FLACC1: variants seen among roughly 807,000 people sequenced by gnomAD.
FLACC1 encodes flagellum-associated coiled-coil domain-containing protein 1.
FLACC1 carries 66 observed loss-of-function variants against 62.8 expected under a neutral mutation model. The ratio of observed to expected loss-of-function variants is 1.05; its 90% CI spans 0.86 to 1.29. The LOEUF is 1.29. Ranked by LOEUF, FLACC1 falls within the 50% of genes most tolerant of loss-of-function variation. FLACC1 has a pLI of 0.00. For missense variants in FLACC1, 452 were observed against 489.1 expected (o/e 0.92, Z 0.71); for synonymous variants, 156 against 161.0 (o/e 0.97, Z 0.24).
chr2:201,324,771 A>C (rs540225869), intron 9 of FLACC1, among the ~76,000 whole-genome samples: 1 of 152,370 alleles, frequency 6.6e-6, no homozygotes, highest in African/African-American at 2.4e-5. Context: ...TGGGGTAAAC[A>C]GTGAAATCAA....
chr2:201,298,483 C>T (rs1949911376), intron 12 of FLACC1, among the ~76,000 whole-genome samples: 2 of 152,074 alleles, frequency 1.3e-5, no homozygotes, highest in African/African-American at 2.4e-5. Flanking sequence ...GAGAAACAGG[C>T]CCAGACATGA....
intron 11 of FLACC1, among the ~76,000 whole-genome samples, chr2:201,305,575 C>T (rs1039603161): frequency 3.9e-5 from 6 of 152,184 alleles, no homozygotes; most frequent in African/African-American, 1.4e-4. Flanking sequence ...ACAGCCATCC[C>T]ATTACTGGGT....
chr2:201,301,821 T>A (rs931464053), intron 11 of FLACC1, among the ~76,000 whole-genome samples: 1 of 152,192 alleles, frequency 6.6e-6, no homozygotes, highest in Admixed American at 6.5e-5. Context: ...CAGGATTTCA[T>A]ATCCAGCTAA....
chr2:201,289,954 A>G, intron 12 of FLACC1, 169 bp from the exon 13 acceptor site: 5 of 1,207,488 alleles, frequency 4.1e-6, no homozygotes, highest in Non-Finnish European at 5.8e-6. Flanking sequence ...ACCCATCTAT[A>G]TCCTTCTCTT....
rs1400551244 is a variant in FLACC1, at chr2:201,346,586, T to C, written c.324A>G (p.Lys108=). 4 of 1,614,056 alleles carry C rather than the reference T, an allele frequency of 2.5e-6. No individual in the cohort carries two copies. The highest frequency in any genetic ancestry group is 3.4e-6 in the Non-Finnish European group (4 of 1,180,014). Residue 108 remains lysine (K), a synonymous_variant, in exon 5 of 15, where the codon AAA becomes AAG. Transcript: ENST00000392257. This position sits in a 1 kb window ranked among gnomAD's most constrained non-coding sequence, Gnocchi z 4.0. ...VTLGDEMFDR[K]KRWESEIPDK... The stretch of plus-strand genomic sequence containing the variant: ...CCGGGATCTCCGATTCCCACCGCTT[T>C]TTCCTATCAAACATCTCATCCCCTA...
At chr2:201,319,410 A>G (rs1576441809) in intron 9 of FLACC1, among the ~76,000 whole-genome samples, 1 of 125,342 alleles carries the variant, frequency 8.0e-6, no homozygotes, top group Non-Finnish European at 1.9e-5. Context: ...TAAGAATCCT[A>G]GAAGAAAACC....
At chr2:201,289,277 C>T (rs1175198725) in intron 14 of FLACC1, among the ~76,000 whole-genome samples, 180 bp downstream of exon 14, 1 of 152,198 alleles carries the variant, frequency 6.6e-6, no homozygotes, top group Non-Finnish European at 1.5e-5. Context: ...TCCACTCCAC[C>T]TCAAGTGAAC....
At chr2:201,355,177 C>G (rs1186455969) in intron 1 of FLACC1, among the ~76,000 whole-genome samples, 1 of 151,812 alleles carries the variant, frequency 6.6e-6, no homozygotes, top group Admixed American at 6.6e-5. Flanking sequence ...CCCAGCTACT[C>G]GGGAGGCTAA....
intron 3 of FLACC1, among the ~76,000 whole-genome samples, chr2:201,349,442 C>T (rs2125621700): frequency 6.6e-6 from 1 of 152,316 alleles, no homozygotes; most frequent in South Asian, 2.1e-4. Flanking sequence ...CTATGTAGCA[C>T]TTGCCAACCT....
At chr2:201,359,941 TA>T (rs34856709), upstream of FLACC1, among the ~76,000 whole-genome samples, 76 of 147,638 alleles carry the variant, frequency 5.1e-4, no homozygotes, top group Admixed American at 2.2e-3. Flanking sequence ...TTCTTATGAT[TA>T]AAAAAAAAAA....
In FLACC1 at chr2:201,292,091, GA is replaced by G. The variant is rs529652477; in HGVS notation, c.943-2307del. Among the ~76,000 whole-genome samples, 55 of 152,312 alleles carry G rather than the reference GA, an allele frequency of 3.6e-4. 2 individuals carry two copies. In the South Asian group the frequency reaches 0.011, roughly 30 times the overall value. On this transcript the variant is annotated intron_variant, in intron 12 of 14. Coordinates refer to ENST00000392257, the MANE Select transcript of FLACC1 (RefSeq NM_001127391.3). Reference sequence around the variant, plus strand: ...TGACAGGGAGAATGGAACCAAGTTGGAAAACACTCTGCAGGATATTATCCAG... The same window carrying G: ...TGACAGGGAGAATGGAACCAAGTTGGAAACACTCTGCAGGATATTATCCAG...
At chr2:201,312,028 G>A (rs899410468) in intron 9 of FLACC1, among the ~76,000 whole-genome samples, 7 of 152,154 alleles carry the variant, frequency 4.6e-5, no homozygotes, top group African/African-American at 1.4e-4. Flanking sequence ...ACAAGACAAG[G>A]ATGCCCACTC....
At chr2:201,299,025 C>T (rs1434184000) in intron 12 of FLACC1, among the ~76,000 whole-genome samples, 3 of 152,170 alleles carry the variant, frequency 2.0e-5, no homozygotes, top group African/African-American at 7.2e-5. Flanking sequence ...TCTATTTGTT[C>T]AAATCAGACT....
At chr2:201,290,410 T>G (rs142979748) in intron 12 of FLACC1, among the ~76,000 whole-genome samples, 87 of 152,252 alleles carry the variant, frequency 5.7e-4, no homozygotes, top group African/African-American at 2.0e-3. Flanking sequence ...ATATGGGAAC[T>G]CTCTGTACTT....
intron 7 of FLACC1, among the ~76,000 whole-genome samples, chr2:201,338,565 G>A (rs1308329845): frequency 1.3e-5 from 2 of 151,814 alleles, no homozygotes; most frequent in African/African-American, 2.4e-5. Flanking sequence ...GTTATGTTGA[G>A]GTATGTTTCT....
intron 7 of FLACC1, among the ~76,000 whole-genome samples, chr2:201,337,843 A>C (rs1325421822): frequency 1.3e-5 from 2 of 152,210 alleles, no homozygotes; most frequent in African/African-American, 2.4e-5. Context: ...TTTTGAAGTC[A>C]GGTAATGTGA....
chr2:201,309,905 C>CAAAAAAAAAAAAAAAAA (rs1161849891), intron 9 of FLACC1, among the ~76,000 whole-genome samples: 2 of 44,674 alleles, frequency 4.5e-5, no homozygotes, highest in Admixed American at 2.9e-4. Context: ...GACTCTGTCT[C>CAAAAAAAAAAAAAAAAA]AAAAAAAAAA....
At chr2:201,297,046 T>A (rs926197237) in intron 12 of FLACC1, among the ~76,000 whole-genome samples, 7 of 151,988 alleles carry the variant, frequency 4.6e-5, no homozygotes, top group African/African-American at 1.7e-4. Flanking sequence ...CTGGGTTGAA[T>A]TTGGGAGAGT....
intron 7 of FLACC1, among the ~76,000 whole-genome samples, chr2:201,336,555 G>C (rs1950700019): frequency 6.6e-6 from 1 of 152,204 alleles, no homozygotes; most frequent in African/African-American, 2.4e-5. Flanking sequence ...TCAAATGGTA[G>C]TTCTGTCTCA....
Sources: gnomAD v4.1 joint callset for allele counts (sites outside exome capture counted in the v4.1 genomes callset) on GRCh38, gnomAD v4.1.1 for gene constraint, Gnocchi (gnomAD v3.1) non-coding constraint, MANE v1.5 for transcripts, NCBI Gene and HGNC (gene_info 2026-07-23, HGNC 2026-07-21) for gene names.